The following DRG2 variants were observed in gnomAD, a reference collection of about 807,000 sequenced individuals.
DRG2 encodes the protein developmentally-regulated GTP-binding protein 2.
Under a neutral mutation model 53.4 loss-of-function variants are expected in DRG2, and 36 were observed. The ratio of observed to expected loss-of-function variants is 0.67; its 90% CI spans 0.52 to 0.89. DRG2 has a LOEUF of 0.89. Among genes scored for constraint, DRG2 ranks in the 40% least tolerant of loss-of-function variants. The pLI, the probability that DRG2 is intolerant of heterozygous loss-of-function variation, is 0.00. For missense variants in DRG2, 342 were observed against 481.2 expected (o/e 0.71, Z 2.71); for synonymous variants, 167 against 192.1 (o/e 0.87, Z 1.08).
chr17:18,107,059 C>A, intron 12 of DRG2, 95 bp from the exon 13 acceptor site: 1 of 1,145,384 alleles, frequency 8.7e-7, no homozygotes, highest in Non-Finnish European at 1.3e-6. Context: ...TATGCCATGG[C>A]ATTTACCCTT....
chr17:18,103,416 A>G lies in DRG2; in HGVS notation c.807-385A>G, dbSNP rs2045573766. Among the ~76,000 whole-genome samples the G allele has an allele frequency of 6.6e-6, 1 of 152,002 alleles. No homozygotes were observed. Among genetic ancestry groups the G allele is most frequent in the African/African-American group, 2.4e-5 (1 of 41,362 alleles). On this transcript the variant is annotated intron_variant, in intron 9 of 12. Coordinates refer to ENST00000225729, the MANE Select transcript of DRG2 (RefSeq NM_001388.5). This position sits in a 1 kb window ranked among gnomAD's most constrained non-coding sequence, Gnocchi z 4.4. ...CTCTTCTTGCTGAAATCCCTGCTGGACTTCCTGGCAGTCCCTTGCTCCTCT... is the reference window on the plus strand; with the variant it reads ...CTCTTCTTGCTGAAATCCCTGCTGGGCTTCCTGGCAGTCCCTTGCTCCTCT...
intron 9 of DRG2, among the ~76,000 whole-genome samples, chr17:18,102,777 G>A (rs1235375048): frequency 6.6e-6 from 1 of 152,112 alleles, no homozygotes; most frequent in Non-Finnish European, 1.5e-5. Flanking sequence ...AATGTTCTCA[G>A]GCCCTGGCCA....
chr17:18,099,154 G>T lies in DRG2; in HGVS notation c.376+77G>T. The T allele has an allele frequency of 6.3e-7, 1 of 1,582,206 alleles. No homozygotes were observed. The highest frequency in any genetic ancestry group is 1.1e-5 in the South Asian group (1 of 90,222). ...CGTTGAAATTGGGTGTGGCTGTCAT[G>T]GAGATCACTCTGGATCCCTGGTCCA... On this transcript the variant is annotated intron_variant, in intron 4 of 12. Transcript: ENST00000225729. This position sits in a 1 kb window ranked among gnomAD's most constrained non-coding sequence, Gnocchi z 4.4.
chr17:18,100,677 ACACGTGAAGGAGGGCAGC>A lies in DRG2; in HGVS notation c.631+22_631+39del. ...CGAATACAGTATCCTTCCCTGAAAG[ACACGTGAAGGAGGGCAGC>A]CACCACCGTCAGCGCAGCGGGGGGA... is the stretch of plus-strand genomic sequence containing the variant. On this transcript the variant is annotated intron_variant, in intron 7 of 12. Transcript: ENST00000225729. This position sits in a 1 kb window ranked among gnomAD's most constrained non-coding sequence, Gnocchi z 4.1. 6.2e-7 allele frequency: 1 copy of A among 1,608,214 alleles called. No homozygotes were observed. Among genetic ancestry groups the A allele is most frequent in the Non-Finnish European group, 8.5e-7 (1 of 1,177,176 alleles).
chr17:18,090,187 C>CTTTT (rs764657114), intron 1 of DRG2, among the ~76,000 whole-genome samples: 14 of 70,268 alleles, frequency 2.0e-4, no homozygotes, highest in East Asian at 6.5e-4. Context: ...ACACTGAATC[C>CTTTT]TTTTTTTTTT....
At chr17:18,101,687 C>G in intron 8 of DRG2, 97 bp downstream of exon 8, 1 of 1,281,466 alleles carries the variant, frequency 7.8e-7, no homozygotes, top group Admixed American at 1.9e-5. Flanking sequence ...CAGAAAGAGT[C>G]TGAGGCTCTC....
Position 18,100,708 on chromosome 17 carries a change from C to T in DRG2, c.631+49C>T, listed in dbSNP as rs189278393. The T allele has an allele frequency of 2.5e-4, 385 of 1,552,404 alleles. 1 individual carries two copies. Among genetic ancestry groups the T allele is most frequent in the Middle Eastern group, 2.4e-3 (14 of 5,942 alleles). On this transcript the variant is annotated intron_variant, in intron 7 of 12. Coordinates refer to ENST00000225729, the MANE Select transcript of DRG2 (RefSeq NM_001388.5). The surrounding 1 kb of genome is among the most constrained non-coding windows in gnomAD (Gnocchi z 4.1). Reference sequence around the variant, plus strand: ...GAAGGAGGGCAGCCACCACCGTCAGCGCAGCGGGGGGACTGACTAAGACAG... The same window carrying T: ...GAAGGAGGGCAGCCACCACCGTCAGTGCAGCGGGGGGACTGACTAAGACAG...
intron 9 of DRG2, among the ~76,000 whole-genome samples, chr17:18,102,386 G>A (rs2045553112): frequency 6.6e-6 from 1 of 152,178 alleles, no homozygotes; most frequent in African/African-American, 2.4e-5. Context: ...ACTTTGGGGG[G>A]CTGTGGCGGG....
intron 1 of DRG2, among the ~76,000 whole-genome samples, chr17:18,091,072 C>G (rs537777406): frequency 4.6e-5 from 7 of 152,184 alleles, no homozygotes; most frequent in Non-Finnish European, 8.8e-5. Context: ...GGCTGGGGAT[C>G]CAGTCCCATT....
rs544407884 is a variant in DRG2 at position 18,098,117 on chromosome 17, G to T, written c.226-153G>T. Reference sequence around the variant, plus strand: ...GACAGGGCCAGAGGTGAGCCCTCTGGCTGGGAGGTCTCTTCACAGCCACCT... The same window carrying T: ...GACAGGGCCAGAGGTGAGCCCTCTGTCTGGGAGGTCTCTTCACAGCCACCT... On this transcript the variant is annotated intron_variant, in intron 2 of 12. Transcript: ENST00000225729. The surrounding 1 kb of genome is among the most constrained non-coding windows in gnomAD (Gnocchi z 4.1). The T allele has an allele frequency of 1.4e-4, 87 of 630,662 alleles. No individual in the cohort carries two copies. The African/African-American group carries it at 1.5e-3, about 11-fold the overall frequency. 39.1% of individuals were successfully genotyped at this position (630,662 alleles called of 1,614,324 possible). A position where few individuals can be genotyped will look rare whatever the true frequency, so the allele number is the denominator to read the frequency against.
Position 18,101,998 on chromosome 17 carries a change from G to A in DRG2, c.806+1G>A. 6.2e-7 allele frequency: 1 copy of A among 1,606,416 alleles called. No homozygotes were observed. Among genetic ancestry groups the A allele is most frequent in the Admixed American group, 1.7e-5 (1 of 59,574 alleles). On this transcript the variant is annotated splice_donor_variant, in intron 9 of 12. Coordinates refer to ENST00000225729, the MANE Select transcript of DRG2 (RefSeq NM_001388.5). LOFTEE classifies it high-confidence loss of function. ...GAAAACCCAACAGTGTGGTCATCAG[G>A]TGAGGCCACTGGCATCCTGCCACTC...
chr17:18,090,770 A>G (rs897764989), intron 1 of DRG2, among the ~76,000 whole-genome samples: 36 of 150,822 alleles, frequency 2.4e-4, no homozygotes, highest in Non-Finnish European at 4.1e-4. Context: ...CCCAGCCTCA[A>G]GCAGTCCTCC....
chr17:18,091,644 G>T (rs1323136512), intron 1 of DRG2, among the ~76,000 whole-genome samples: 1 of 151,818 alleles, frequency 6.6e-6, no homozygotes, highest in Non-Finnish European at 1.5e-5. Flanking sequence ...ATCACCTGAC[G>T]TCGAGAGTTC....
At chr17:18,096,338 GTC>G (rs2045433383) in intron 2 of DRG2, 1 of 152,154 alleles carries the variant, frequency 6.6e-6, no homozygotes, top group Admixed American at 6.5e-5. Flanking sequence ...TGGGAGATTT[GTC>G]TCTCTTCTCC....
In DRG2 at chr17:18,107,343, C is replaced by T. The variant is rs981938141; in HGVS notation, c.*103C>T. 4.1e-5 allele frequency: 47 copies of T among 1,145,536 alleles called. No homozygotes were observed. Among genetic ancestry groups the T allele is most frequent in the Admixed American group, 2.0e-4 (10 of 49,850 alleles). 71.0% of individuals were successfully genotyped at this position (1,145,536 alleles called of 1,614,324 possible). ...ACAGAAAAATACAAATACACGTACC[C>T]CAGGAAGGGGTCCCTCAAGTCTCTG... On this transcript the variant is annotated 3_prime_UTR_variant, in exon 13 of 13. Coordinates refer to ENST00000225729, the MANE Select transcript of DRG2 (RefSeq NM_001388.5).
intron 8 of DRG2, 138 bp from the exon 9 acceptor site, chr17:18,101,782 AC>A: frequency 8.5e-7 from 1 of 1,172,296 alleles, no homozygotes; most frequent in South Asian, 1.5e-5. Context: ...AGCCTTCCCA[AC>A]CCTGAGGCAG....
chr17:18,103,671 C>T lies in DRG2; in HGVS notation c.807-130C>T, dbSNP rs1180747205. The T allele has an allele frequency of 8.8e-6, 7 of 793,384 alleles. No individual in the cohort carries two copies. In the East Asian group the frequency reaches 1.7e-4, roughly 20 times the overall value. The allele number at this position is 793,384 out of a possible 1,614,324, so 49.1% of individuals were successfully genotyped here. On this transcript the variant is annotated intron_variant, in intron 9 of 12. Coordinates refer to ENST00000225729, the MANE Select transcript of DRG2 (RefSeq NM_001388.5). The surrounding 1 kb of genome is among the most constrained non-coding windows in gnomAD (Gnocchi z 4.4). The stretch of plus-strand genomic sequence containing the variant: ...ATCAGGCTGCCATCATAGTAATGGG[C>T]TTGTTTCCCTGTGGGTACCAGCGGG...
chr17:18,092,533 T>C (rs1226503049), intron 1 of DRG2, among the ~76,000 whole-genome samples: 1 of 152,018 alleles, frequency 6.6e-6, no homozygotes, highest in Non-Finnish European at 1.5e-5. Flanking sequence ...AGGGTCCTGG[T>C]TCTCAGTCTC....
At chr17:18,101,749 G>T (rs1398071724) in intron 8 of DRG2, among the ~76,000 whole-genome samples, 159 bp downstream of exon 8, 1 of 152,174 alleles carries the variant, frequency 6.6e-6, no homozygotes, top group East Asian at 1.9e-4. Context: ...GACATAGAGA[G>T]CTTGAAACCA....
Sources: allele counts gnomAD v4.1 joint callset (sites outside exome capture counted in the v4.1 genomes callset), GRCh38; gene constraint gnomAD v4.1.1; non-coding constraint Gnocchi (gnomAD v3.1); transcripts MANE v1.5; gene names NCBI Gene and HGNC (gene_info 2026-07-23, HGNC 2026-07-21).